GPN1: variants seen among roughly 807,000 people sequenced by gnomAD.
GPN1 encodes the protein GPN-loop GTPase 1.
GPN1 carries 44 observed loss-of-function variants against 55.9 expected under a neutral mutation model. The ratio of observed to expected loss-of-function variants is 0.79; its 90% confidence interval spans 0.62 to 1.01. The LOEUF (loss-of-function observed/expected upper bound fraction) is 1.01. GPN1 is among the 50% of genes least tolerant of loss of function. GPN1 has a pLI of 0.00. For missense variants in GPN1, 466 were observed against 462.8 expected (o/e 1.01, Z -0.06); for synonymous variants, 179 against 162.5 (o/e 1.10, Z -0.77).
At chr2:27,629,603 G>A (rs1010197286) in intron 1 of GPN1, among the ~76,000 whole-genome samples, 1 of 152,164 alleles carries the variant, frequency 6.6e-6, no homozygotes, top group Admixed American at 6.5e-5. Flanking sequence ...ATTTAATGGA[G>A]GAGATAGAGA....
At chr2:27,635,044 CT>C in intron 6 of GPN1, 95 bp from the exon 7 acceptor site, 1 of 964,830 alleles carries the variant, frequency 1.0e-6, no homozygotes, top group Non-Finnish European at 1.7e-6. Flanking sequence ...CACACCCTGC[CT>C]AAAGTGGTTT....
intron 3 of GPN1, chr2:27,631,580 A>T: frequency 1.8e-6 from 1 of 552,988 alleles, no homozygotes; most frequent in Non-Finnish European, 3.2e-6. Flanking sequence ...TCACTGCCTG[A>T]TGCACCTGTA....
chr2:27,637,705 T>C (rs1673783286), intron 7 of GPN1, among the ~76,000 whole-genome samples: 1 of 152,212 alleles, frequency 6.6e-6, no homozygotes, highest in Non-Finnish European at 1.5e-5. Context: ...GCATCCCTTA[T>C]CCAAAAATTT....
rs1183306090 is a variant in GPN1, at chr2:27,643,961, T to C, written c.931+1442T>C. ...TGGGAGGCCGAGGCGGGTGGATCAC[T>C]TGAGGTCAGGAATTCGAGACCAGCC... On this transcript the variant is annotated intron_variant, in intron 12 of 13. Coordinates refer to ENST00000610189, the MANE Select transcript of GPN1 (RefSeq NM_007266.4). This position sits in a 1 kb window ranked among gnomAD's most constrained non-coding sequence, Gnocchi z 4.0. Among the ~76,000 whole-genome samples, 2 of 152,108 alleles carry C rather than the reference T, an allele frequency of 1.3e-5. No homozygotes were observed. The highest frequency in any genetic ancestry group is 4.8e-5 in the African/African-American group (2 of 41,428).
chr2:27,650,088 A>G (rs750282194), intron 13 of GPN1, 27 bp from the exon 14 acceptor site: 8 of 1,323,044 alleles, frequency 6.0e-6, no homozygotes, highest in Admixed American at 1.7e-5. Flanking sequence ...AAAGAGTTGA[A>G]AAAGAATTGC....
At chr2:27,642,954 T>TACACACACACACACAC (rs1270219794) in intron 12 of GPN1, among the ~76,000 whole-genome samples, 687 of 46,704 alleles carry the variant, frequency 0.015, 17 homozygotes, top group Admixed American at 0.092. Flanking sequence ...TATATATATA[T>TACACACACACACACAC]ATATACACAC....
chr2:27,635,346 CTCAT>C (rs1324426845), intron 7 of GPN1, 112 bp downstream of exon 7: 1 of 598,458 alleles, frequency 1.7e-6, no homozygotes, highest in Non-Finnish European at 2.9e-6. Context: ...TGGATTTGTG[CTCAT>C]TCAGATTTGC....
chr2:27,650,899 C>G lies in GPN1; in HGVS notation c.*699C>G, dbSNP rs991858605. On this transcript the variant is annotated 3_prime_UTR_variant, in exon 14 of 14. Coordinates refer to ENST00000610189, the MANE Select transcript of GPN1 (RefSeq NM_007266.4). Reference sequence around the variant, plus strand: ...TTCAAATTAGAAAATTATATAATTGCAAACAGCTTCACTTCTCCTGTTCAA... The same window carrying G: ...TTCAAATTAGAAAATTATATAATTGGAAACAGCTTCACTTCTCCTGTTCAA... 4 of 152,710 alleles carry G rather than the reference C, an allele frequency of 2.6e-5. No homozygotes were observed. Among genetic ancestry groups the G allele is most frequent in the African/African-American group, 9.7e-5 (4 of 41,404 alleles). The allele number at this position is 152,710 out of a possible 1,614,324, so 9.5% of individuals were successfully genotyped here. A position where few individuals can be genotyped will look rare whatever the true frequency, so the allele number is the denominator to read the frequency against.
intron 12 of GPN1, among the ~76,000 whole-genome samples, chr2:27,642,730 A>C (rs770330325): frequency 6.6e-6 from 1 of 151,720 alleles, no homozygotes; most frequent in African/African-American, 2.4e-5. Context: ...ACACCCGGCT[A>C]ATTTTGTATT....
In GPN1 at chr2:27,631,887, C is replaced by G. The variant is rs1253545351; in HGVS notation, c.299C>G (p.Thr100Ser). ...GIVTSLNLFA[T>S]RFDQVMKFIE... ...GTGACCTCACTCAATCTCTTTGCTA[C>G]CAGATTTGATCAGGTATATCTGTCT... The change falls in exon 4 of 14, where the codon ACC (threonine) becomes AGC (serine). Residue 100 changes from threonine to serine, a missense_variant. Coordinates refer to ENST00000610189, the MANE Select transcript of GPN1 (RefSeq NM_007266.4). 6.3e-7 allele frequency: 1 copy of G among 1,583,966 alleles called. No individual in the cohort carries two copies.
intron 3 of GPN1, 189 bp downstream of exon 3, chr2:27,631,255 C>T (rs1673541977): frequency 3.4e-6 from 2 of 586,104 alleles, no homozygotes; most frequent in Non-Finnish European, 3.0e-6. Context: ...TTACCATCTC[C>T]CCAGATGGCA....
At chr2:27,633,044 T>G (rs889684862) in intron 5 of GPN1, among the ~76,000 whole-genome samples, 1 of 152,208 alleles carries the variant, frequency 6.6e-6, no homozygotes, top group African/African-American at 2.4e-5. Flanking sequence ...ATTTTTTAAT[T>G]TACAGAGTGT....
At chr2:27,642,952 T>TACACACAC (rs1419636770) in intron 12 of GPN1, among the ~76,000 whole-genome samples, 136 of 38,030 alleles carry the variant, frequency 3.6e-3, no homozygotes, top group African/African-American at 6.8e-3. Context: ...TTTATATATA[T>TACACACAC]ATATATACAC....
At chr2:27,639,855 A>G (rs1166255553) in intron 9 of GPN1, among the ~76,000 whole-genome samples, 188 bp from the exon 10 acceptor site, 2 of 151,906 alleles carry the variant, frequency 1.3e-5, no homozygotes, top group Non-Finnish European at 2.9e-5. Context: ...TTTATTTTCC[A>G]TGGACTTATT....
chr2:27,632,804 T>A (rs1411539910), intron 5 of GPN1, 134 bp downstream of exon 5: 2 of 626,800 alleles, frequency 3.2e-6, no homozygotes, highest in Non-Finnish European at 5.7e-6. Context: ...AAAAAAAAAT[T>A]GGCAAATCAT....
chr2:27,644,022 T>C (rs1674092870), intron 12 of GPN1, among the ~76,000 whole-genome samples: 1 of 152,140 alleles, frequency 6.6e-6, no homozygotes, highest in South Asian at 2.1e-4. Context: ...CTCCTAAAAA[T>C]ACAAAAAATT....
chr2:27,632,684 G>A lies in GPN1; in HGVS notation c.350+14G>A. Reference sequence around the variant, plus strand: ...GAACATGTCCAAGTAAGTGATGTCAGTAACACCCATTTATTACTCTGTAGC... The same window carrying A: ...GAACATGTCCAAGTAAGTGATGTCAATAACACCCATTTATTACTCTGTAGC... On this transcript the variant is annotated intron_variant, in intron 5 of 13. Coordinates refer to ENST00000610189, the MANE Select transcript of GPN1 (RefSeq NM_007266.4). The A allele has an allele frequency of 3.3e-6, 5 of 1,534,554 alleles. No individual in the cohort carries two copies. Among genetic ancestry groups the A allele is most frequent in the Middle Eastern group, 1.7e-4 (1 of 5,942 alleles).
At chr2:27,642,583 T>G in intron 12 of GPN1, 64 bp downstream of exon 12, 1 of 1,019,740 alleles carries the variant, frequency 9.8e-7, no homozygotes, top group Non-Finnish European at 1.5e-6. Context: ...TTTATTTATT[T>G]ATTTATTTTT....
At chr2:27,641,113 A>G (rs1190774683) in intron 10 of GPN1, 127 bp from the exon 11 acceptor site, 7 of 678,312 alleles carry the variant, frequency 1.0e-5, no homozygotes, top group Non-Finnish European at 1.8e-5. Context: ...GATTTGTTAC[A>G]TCTGATGTTG....
Sources: gnomAD v4.1 joint callset for allele counts (sites outside exome capture counted in the v4.1 genomes callset) on GRCh38, gnomAD v4.1.1 for gene constraint, Gnocchi (gnomAD v3.1) non-coding constraint, MANE v1.5 for transcripts, NCBI Gene and HGNC (gene_info 2026-07-23, HGNC 2026-07-21) for gene names.